The following CPEB1 variants were observed in gnomAD, a reference collection of about 807,000 sequenced individuals.
The protein encoded by CPEB1 is cytoplasmic polyadenylation element binding protein 1.
A neutral mutation model predicts 65.8 loss-of-function variants in CPEB1; 7 were observed. The ratio of observed to expected loss-of-function variants is 0.11; its 90% CI spans 0.06 to 0.20. The LOEUF (loss-of-function observed/expected upper bound fraction) is 0.20. Among genes scored for constraint, CPEB1 ranks in the 10% least tolerant of loss-of-function variants. The pLI is 1.00. For missense variants in CPEB1, 551 were observed against 712.2 expected (o/e 0.77, Z 2.58); for synonymous variants, 262 against 260.0 (o/e 1.01, Z -0.08).
chr15:82,629,583 CCTCA>C (rs895400880), intron 1 of CPEB1: 2 of 985,176 alleles, frequency 2.0e-6, no homozygotes, highest in African/African-American at 3.5e-5. Flanking sequence ...CTCCGGTCTC[CCTCA>C]CTCTCCACAG....
At chr15:82,561,978 A>G (rs1448396247) in intron 4 of CPEB1, among the ~76,000 whole-genome samples, 1 of 152,212 alleles carries the variant, frequency 6.6e-6, no homozygotes, top group African/African-American at 2.4e-5. Flanking sequence ...CACATGTCAA[A>G]CACTGTGTTA....
Position 82,627,354 on chromosome 15 carries a change from CCTG to C in CPEB1, c.107_109del (p.Ala36del). On this transcript the variant is annotated inframe_deletion, in exon 3 of 13. Coordinates refer to ENST00000684509, the MANE Select transcript of CPEB1 (RefSeq NM_001365242.1). The stretch of plus-strand genomic sequence containing the variant: ...GTTGTCCCAGCAATCTTTTATCCTT[CCTG>C]CTTCTTCTTCCTAGACACAGAAAAA... 4 of 1,611,610 alleles carry C rather than the reference CCTG, an allele frequency of 2.5e-6. No homozygotes were observed. The highest frequency in any genetic ancestry group is 4.5e-5 in the East Asian group (2 of 44,850).
chr15:82,638,891 C>T (rs1260170106), intron 1 of CPEB1, among the ~76,000 whole-genome samples: 1 of 152,224 alleles, frequency 6.6e-6, no homozygotes, highest in East Asian at 1.9e-4. Flanking sequence ...AATACAATGA[C>T]TGCTACTACA....
chr15:82,548,876 C>G (rs995357171), intron 10 of CPEB1: 2 of 325,756 alleles, frequency 6.1e-6, no homozygotes, highest in Middle Eastern at 1.0e-3. Context: ...TCAGGCTCTG[C>G]TCCACCTCCA....
chr15:82,614,734 AAAAG>A (rs201568067), intron 3 of CPEB1, among the ~76,000 whole-genome samples: 547 of 152,180 alleles, frequency 3.6e-3, no homozygotes, highest in African/African-American at 8.9e-3. Context: ...ATCTTTAAAA[AAAAG>A]AAAGAAAGAA....
chr15:82,621,087 T>C (rs1194365153), intron 3 of CPEB1, among the ~76,000 whole-genome samples: 2 of 152,244 alleles, frequency 1.3e-5, no homozygotes, highest in African/African-American at 4.8e-5. Flanking sequence ...ATTTCAATCA[T>C]TTCCTGCAAG....
At chr15:82,615,258 A>G (rs1406549087) in intron 3 of CPEB1, among the ~76,000 whole-genome samples, 1 of 152,190 alleles carries the variant, frequency 6.6e-6, no homozygotes, top group African/African-American at 2.4e-5. Context: ...ACACCACCAC[A>G]TGATGGATCC....
chr15:82,618,104 AAG>A (rs1488573642), intron 3 of CPEB1, among the ~76,000 whole-genome samples: 3 of 152,114 alleles, frequency 2.0e-5, no homozygotes, highest in Admixed American at 2.0e-4. Context: ...TAAAAAAAAA[AAG>A]AGTGGAACCA....
At chr15:82,646,788 G>A (rs889768399) in intron 1 of CPEB1, among the ~76,000 whole-genome samples, 79 of 152,292 alleles carry the variant, frequency 5.2e-4, no homozygotes, top group African/African-American at 1.9e-3. Context: ...AAGCCTCGGG[G>A]AATGACGCCG....
intron 3 of CPEB1, among the ~76,000 whole-genome samples, chr15:82,610,506 G>C (rs1235119778): frequency 6.6e-6 from 1 of 151,702 alleles, no homozygotes; most frequent in African/African-American, 2.4e-5. Flanking sequence ...AAGAAGACAA[G>C]GTTGGTTCAT....
At chr15:82,642,225 T>C (rs2047171532) in intron 1 of CPEB1, among the ~76,000 whole-genome samples, 1 of 152,066 alleles carries the variant, frequency 6.6e-6, no homozygotes, top group Admixed American at 6.6e-5. Flanking sequence ...AAAACTGCAA[T>C]GTTGGGTGCA....
rs1190733130 is a variant in CPEB1 at position 82,543,233 on chromosome 15, A to C, written c.*1359T>G. The C allele has an allele frequency of 1.3e-5, 2 of 152,616 alleles. No homozygotes were observed. The highest frequency in any genetic ancestry group is 1.3e-4 in the Admixed American group (2 of 15,276). The allele number at this position is 152,616 out of a possible 1,614,324, so 9.5% of individuals were successfully genotyped here. On this transcript the variant is annotated 3_prime_UTR_variant, in exon 13 of 13. Transcript: ENST00000684509. ...CAACGTGTTTATTATGTGCCAAAAA[A>C]ACTACACCACAGCTTACTCCACACA...
intron 3 of CPEB1, among the ~76,000 whole-genome samples, chr15:82,596,315 GAGA>G (rs2042660405): frequency 6.6e-6 from 1 of 152,114 alleles, no homozygotes; most frequent in Admixed American, 6.6e-5. Flanking sequence ...CTTCTGACAT[GAGA>G]AGATTTAACT....
intron 3 of CPEB1, among the ~76,000 whole-genome samples, chr15:82,605,203 T>C (rs1012670126): frequency 4.6e-5 from 7 of 152,176 alleles, no homozygotes; most frequent in African/African-American, 1.4e-4. Context: ...AGTTTGTCAC[T>C]AGCAGACCTC....
intron 1 of CPEB1, among the ~76,000 whole-genome samples, chr15:82,642,335 C>T (rs2047178197): frequency 6.6e-6 from 1 of 152,238 alleles, no homozygotes; most frequent in Non-Finnish European, 1.5e-5. Context: ...AGGAGGATGG[C>T]TTGAGCCGAG....
intron 3 of CPEB1, among the ~76,000 whole-genome samples, chr15:82,577,553 T>C (rs1449385223): frequency 1.3e-5 from 2 of 152,188 alleles, no homozygotes; most frequent in African/African-American, 2.4e-5. Context: ...AGAATCTTGC[T>C]CTGTCAGGCG....
chr15:82,640,724 G>A (rs1002945637), intron 1 of CPEB1: 3 of 152,256 alleles, frequency 2.0e-5, no homozygotes, highest in Middle Eastern at 3.4e-3. Context: ...CAAGGCTAAA[G>A]AGCTCAATCT....
At chr15:82,636,708 T>C (rs1395737921) in intron 1 of CPEB1, among the ~76,000 whole-genome samples, 1 of 152,200 alleles carries the variant, frequency 6.6e-6, no homozygotes, top group Admixed American at 6.5e-5. Context: ...ACAACCTGTA[T>C]CTCAGCACTG....
At chr15:82,593,416 G>A (rs1215961096) in intron 3 of CPEB1, among the ~76,000 whole-genome samples, 1 of 152,176 alleles carries the variant, frequency 6.6e-6, no homozygotes, top group Non-Finnish European at 1.5e-5. Context: ...TTCATCCCAA[G>A]TTTTATCATG....
Sources: allele counts gnomAD v4.1 joint callset (sites outside exome capture counted in the v4.1 genomes callset), GRCh38; gene constraint gnomAD v4.1.1; transcripts MANE v1.5; gene names NCBI Gene and HGNC (gene_info 2026-07-23, HGNC 2026-07-21).